The following DISC1 variants were observed in gnomAD, a reference collection of about 807,000 sequenced individuals.
DISC1 encodes the protein disrupted in schizophrenia 1 protein.
Under a neutral mutation model 84.5 loss-of-function variants are expected in DISC1, and 57 were observed. The ratio of observed to expected loss-of-function variants is 0.67; its 90% CI spans 0.55 to 0.84. DISC1 has a LOEUF of 0.84. Ranked by LOEUF, DISC1 falls within the 40% of genes least tolerant of loss-of-function variation. The probability of loss-of-function intolerance (pLI) is 0.00; values close to 1 mark genes in which losing one functional copy is unlikely to be tolerated. For synonymous variants in DISC1, 411 were observed against 415.2 expected, an observed-to-expected ratio of 0.99 and a Z score of 0.12; for missense variants, 1,000 against 1,057.8, an observed-to-expected ratio of 0.95 and a Z score of 0.76.
intron 3 of DISC1, among the ~76,000 whole-genome samples, chr1:231,704,398 C>G (rs112402896): frequency 2.0e-5 from 3 of 152,090 alleles, no homozygotes; most frequent in Non-Finnish European, 4.4e-5. Flanking sequence ...AAGTATCCAT[C>G]GTATACAACA....
At chr1:231,969,199 T>G (rs913567243) in intron 10 of DISC1, among the ~76,000 whole-genome samples, 19 of 148,880 alleles carry the variant, frequency 1.3e-4, no homozygotes, top group Admixed American at 5.4e-4. Context: ...TTTTTTTTTT[T>G]TTTTTTTTTT....
At chr1:231,644,059 G>A (rs771478156) in intron 1 of DISC1, among the ~76,000 whole-genome samples, 3 of 152,308 alleles carry the variant, frequency 2.0e-5, no homozygotes, top group Non-Finnish European at 4.4e-5. Flanking sequence ...GTTATTTTTA[G>A]TGTAGCAGAC....
At chr1:231,845,294 C>T (rs2083373150) in intron 9 of DISC1, among the ~76,000 whole-genome samples, 1 of 152,170 alleles carries the variant, frequency 6.6e-6, no homozygotes, top group South Asian at 2.1e-4. Context: ...ATGACTGAGC[C>T]ACATCCTGGT....
intron 6 of DISC1, among the ~76,000 whole-genome samples, chr1:231,783,812 C>T (rs549798096): frequency 2.0e-5 from 3 of 152,330 alleles, no homozygotes; most frequent in East Asian, 3.9e-4. Flanking sequence ...TTCCTCTGCT[C>T]ACTGCCTTCG....
Position 231,750,088 on chromosome 1 carries a change from T to C in DISC1, c.1268+12T>C, listed in dbSNP as rs202163585. 4.4e-5 allele frequency: 70 copies of C among 1,608,696 alleles called. No homozygotes were observed. The highest frequency in any genetic ancestry group is 1.4e-5 in the Non-Finnish European group (16 of 1,177,062). ...GGGGCCACTCAGCAGTGAGTACTTGTTATTGTCACCATTTTCCCCTCATGT... is the reference window on the plus strand; with the variant it reads ...GGGGCCACTCAGCAGTGAGTACTTGCTATTGTCACCATTTTCCCCTCATGT... On this transcript the variant is annotated intron_variant, in intron 4 of 12. Coordinates refer to ENST00000439617, the MANE Select transcript of DISC1 (RefSeq NM_018662.3).
chr1:231,680,724 T>C (rs975239008), intron 1 of DISC1, among the ~76,000 whole-genome samples: 3 of 152,244 alleles, frequency 2.0e-5, no homozygotes, highest in Non-Finnish European at 2.9e-5. Context: ...TAAAAGATGC[T>C]CCAGCTTCCA....
chr1:231,704,492 C>T (rs920286959), intron 3 of DISC1, among the ~76,000 whole-genome samples: 1 of 152,162 alleles, frequency 6.6e-6, no homozygotes, highest in Admixed American at 6.5e-5. Context: ...CGCGGTGGCT[C>T]ATGCCTATAA....
intron 10 of DISC1, among the ~76,000 whole-genome samples, chr1:231,962,614 T>C (rs1005978172): frequency 1.3e-5 from 2 of 152,150 alleles, no homozygotes; most frequent in African/African-American, 4.8e-5. Context: ...TTCTTTATGG[T>C]CAGCTCCAAG....
At chr1:231,895,782 C>T (rs1405183143) in intron 9 of DISC1, among the ~76,000 whole-genome samples, 6 of 152,104 alleles carry the variant, frequency 3.9e-5, no homozygotes, top group Non-Finnish European at 8.8e-5. Flanking sequence ...CTTATTCTCC[C>T]TGGGCATCAT....
At chr1:231,952,255 A>T (rs1242472304) in intron 9 of DISC1, among the ~76,000 whole-genome samples, 1 of 152,194 alleles carries the variant, frequency 6.6e-6, no homozygotes, top group Non-Finnish European at 1.5e-5. Context: ...TCTCTCTGTA[A>T]ACATCTTATC....
chr1:231,865,203 A>G (rs1022110139), intron 9 of DISC1, among the ~76,000 whole-genome samples: 17 of 152,196 alleles, frequency 1.1e-4, no homozygotes, highest in African/African-American at 3.4e-4. Context: ...CCAAACAAAC[A>G]TGCTGACCTG....
intron 1 of DISC1, among the ~76,000 whole-genome samples, chr1:231,665,263 G>A (rs777124448): frequency 2.0e-5 from 3 of 152,158 alleles, no homozygotes; most frequent in Non-Finnish European, 2.9e-5. Context: ...TCTCTCTCCA[G>A]TAAATTGCAT....
chr1:231,863,938 A>T (rs1184821011), intron 9 of DISC1, among the ~76,000 whole-genome samples: 1 of 152,094 alleles, frequency 6.6e-6, no homozygotes, highest in Non-Finnish European at 1.5e-5. Context: ...GTGTCGCCTG[A>T]AGAGAAAAAT....
chr1:231,958,899 T>A lies in DISC1; in HGVS notation c.2042+11T>A, dbSNP rs755902209. 2 of 1,610,582 alleles carry A rather than the reference T, an allele frequency of 1.2e-6. No individual in the cohort carries two copies. The highest frequency in any genetic ancestry group is 1.7e-6 in the Non-Finnish European group (2 of 1,178,902). On this transcript the variant is annotated intron_variant, in intron 10 of 12. Coordinates refer to ENST00000439617, the MANE Select transcript of DISC1 (RefSeq NM_018662.3). Reference sequence around the variant, plus strand: ...GAATAAACTGTGCAGGTAAGGATAATAATTTCTGTATTTCAGACTCCGTAG... The same window carrying A: ...GAATAAACTGTGCAGGTAAGGATAAAAATTTCTGTATTTCAGACTCCGTAG...
At chr1:231,978,288 C>G (rs757454357) in intron 10 of DISC1, among the ~76,000 whole-genome samples, 1 of 152,150 alleles carries the variant, frequency 6.6e-6, no homozygotes, top group Non-Finnish European at 1.5e-5. Context: ...CTTCTTGTAT[C>G]AAATTCCCCA....
chr1:231,847,038 T>C (rs1256309250), intron 9 of DISC1, among the ~76,000 whole-genome samples: 1 of 152,226 alleles, frequency 6.6e-6, no homozygotes, highest in African/African-American at 2.4e-5. Context: ...TACATTAGTT[T>C]GCTAGGCCTA....
intron 1 of DISC1, among the ~76,000 whole-genome samples, chr1:231,662,109 C>T (rs922245319): frequency 1.2e-4 from 19 of 152,218 alleles, no homozygotes; most frequent in Non-Finnish European, 8.8e-5. Context: ...AGATGGCTGC[C>T]AGCTCCTTCC....
At chr1:231,686,329 G>C (rs1259340759) in intron 1 of DISC1, among the ~76,000 whole-genome samples, 1 of 152,214 alleles carries the variant, frequency 6.6e-6, no homozygotes, top group Non-Finnish European at 1.5e-5. Context: ...ACTTCTGCCT[G>C]GGCATCCAGC....
At chr1:231,775,498 T>G (rs1174649342) in intron 6 of DISC1, among the ~76,000 whole-genome samples, 1 of 152,242 alleles carries the variant, frequency 6.6e-6, no homozygotes, top group Non-Finnish European at 1.5e-5. Flanking sequence ...TTCCAATGTC[T>G]GTGTTCTGGA....
Sources: allele counts gnomAD v4.1 joint callset (sites outside exome capture counted in the v4.1 genomes callset), GRCh38; gene constraint gnomAD v4.1.1; transcripts MANE v1.5; gene names NCBI Gene and HGNC (gene_info 2026-07-23, HGNC 2026-07-21).